Variants in RMND5A observed in about 807,000 individuals in gnomAD.
The protein encoded by RMND5A is E3 ubiquitin-protein transferase RMND5A.
Under a neutral mutation model 49.7 loss-of-function variants are expected in RMND5A, and 17 were observed. The observed-to-expected ratio is 0.34, with a 90% CI of 0.23 to 0.51. The LOEUF (loss-of-function observed/expected upper bound fraction) is 0.51, where lower values mean the gene tolerates loss of function less well. Ranked by LOEUF, RMND5A falls within the 20% of genes least tolerant of loss-of-function variation. RMND5A has a pLI of 0.96. For missense variants in RMND5A, 255 were observed against 471.3 expected (o/e 0.54, Z 4.25); for synonymous variants, 156 against 167.7 (o/e 0.93, Z 0.54).
At chr2:86,756,791 T>C (rs1355232576) in intron 4 of RMND5A, among the ~76,000 whole-genome samples, 1 of 152,148 alleles carries the variant, frequency 6.6e-6, no homozygotes, top group Non-Finnish European at 1.5e-5. Context: ...AAGGATATCA[T>C]GGAGCTCACA....
rs959524580 is a variant in RMND5A at position 86,776,359 on chromosome 2, G to A, written c.*2948G>A. ...AAAAGAGCCACCTCATATTCATAGG[G>A]TGTGTATTTTTTGAGTGTGAGCATT... On this transcript the variant is annotated 3_prime_UTR_variant, in exon 9 of 9. Transcript: ENST00000283632. The A allele has an allele frequency of 6.6e-6, 1 of 152,154 alleles. No individual in the cohort carries two copies. The highest frequency in any genetic ancestry group is 2.4e-5 in the African/African-American group (1 of 41,426). The allele number at this position is 152,154 out of a possible 1,614,324, so 9.4% of individuals were successfully genotyped here. A position where few individuals can be genotyped will look rare whatever the true frequency, so the allele number is the denominator to read the frequency against.
chr2:86,766,678 A>AAAAAG (rs1250899602), intron 6 of RMND5A, among the ~76,000 whole-genome samples: 33 of 151,276 alleles, frequency 2.2e-4, no homozygotes, highest in Non-Finnish European at 3.4e-4. Flanking sequence ...AAAAAAAAAA[A>AAAAAG]AAAAGAAAAG....
chr2:86,774,335 AGCAT>A lies in RMND5A; in HGVS notation c.*926_*929del, dbSNP rs1672730508. 6.6e-6 allele frequency: 1 copy of A among 152,646 alleles called. No homozygotes were observed. The highest frequency in any genetic ancestry group is 2.4e-5 in the African/African-American group (1 of 41,450). 9.5% of individuals were successfully genotyped at this position (152,646 alleles called of 1,614,324 possible). On this transcript the variant is annotated 3_prime_UTR_variant, in exon 9 of 9. Coordinates refer to ENST00000283632, the MANE Select transcript of RMND5A (RefSeq NM_022780.4). ...AACATTGTGTATCTGGAAGGAAAGC[AGCAT>A]GTTCCAGTTCTAAAATGCAGTTACC...
chr2:86,767,116 T>C (rs1672611615), intron 6 of RMND5A, among the ~76,000 whole-genome samples: 2 of 152,114 alleles, frequency 1.3e-5, no homozygotes, highest in African/African-American at 4.8e-5. Context: ...CTGGCTGGAG[T>C]GTAGTGGCGC....
chr2:86,748,233 T>A (rs765368762), intron 2 of RMND5A: 2 of 152,248 alleles, frequency 1.3e-5, no homozygotes, highest in Non-Finnish European at 2.9e-5. Flanking sequence ...CCTGCAGTTA[T>A]AACAAAAGGA....
At chr2:86,744,298 GT>G (rs1273904766) in intron 2 of RMND5A, among the ~76,000 whole-genome samples, 2 of 152,196 alleles carry the variant, frequency 1.3e-5, no homozygotes, top group Non-Finnish European at 2.9e-5. Flanking sequence ...GAACCTGGTA[GT>G]TGTGTAAGCT....
intron 2 of RMND5A, among the ~76,000 whole-genome samples, chr2:86,743,954 G>T (rs1185943832): frequency 6.6e-6 from 1 of 150,776 alleles, no homozygotes; most frequent in African/African-American, 2.4e-5. Flanking sequence ...CTCCAGTCTG[G>T]GCAACAGAGC....
intron 4 of RMND5A, among the ~76,000 whole-genome samples, chr2:86,756,448 C>G (rs1034984968): frequency 2.6e-5 from 4 of 152,154 alleles, no homozygotes; most frequent in African/African-American, 7.2e-5. Flanking sequence ...ACTCATTTAA[C>G]TTGGTATAAC....
At chr2:86,760,420 G>T (rs1000866255) in intron 4 of RMND5A, among the ~76,000 whole-genome samples, 5 of 152,194 alleles carry the variant, frequency 3.3e-5, no homozygotes, top group Admixed American at 3.3e-4. Context: ...CCACAGTTTA[G>T]TTAAATAACA....
chr2:86,758,564 C>T (rs1681788217), intron 4 of RMND5A, among the ~76,000 whole-genome samples: 1 of 152,154 alleles, frequency 6.6e-6, no homozygotes, highest in East Asian at 1.9e-4. Context: ...CTATGTGTAG[C>T]TCTTACTAAT....
Position 86,771,663 on chromosome 2 carries a change from G to C in RMND5A, c.1063G>C (p.Gly355Arg). The C allele has an allele frequency of 6.2e-7, 1 of 1,613,212 alleles. No homozygotes were observed. The highest frequency in any genetic ancestry group is 8.5e-7 in the Non-Finnish European group (1 of 1,179,556). Residue 355 changes from glycine (G) to arginine (R), a missense_variant, in exon 8 of 9, where the codon GGT becomes CGT. Transcript: ENST00000283632. Reference protein sequence around the residue: ...DNNPPMKLVCGHIISRDALNK... With the variant: ...DNNPPMKLVCRHIISRDALNK... ...CAATCCACCCATGAAATTGGTCTGT[G>C]GTCATATTATATCAAGAGATGCCCT...
At chr2:86,752,101 G>C in intron 3 of RMND5A, 71 bp downstream of exon 3, 1 of 1,493,238 alleles carries the variant, frequency 6.7e-7, no homozygotes, top group Non-Finnish European at 9.1e-7. Context: ...AGTATTTGCA[G>C]GGTGGGGTTT....
chr2:86,749,340 A>G (rs1322891556), intron 2 of RMND5A, among the ~76,000 whole-genome samples: 3 of 152,114 alleles, frequency 2.0e-5, no homozygotes, highest in East Asian at 3.9e-4. Flanking sequence ...TTTTCATTAT[A>G]TGCATGGATG....
At chr2:86,770,608 A>G (rs1164565008) in intron 7 of RMND5A, among the ~76,000 whole-genome samples, 2 of 152,200 alleles carry the variant, frequency 1.3e-5, no homozygotes, top group East Asian at 1.9e-4. Context: ...CTGTATTTCT[A>G]CTGCTCTCAT....
chr2:86,741,768 A>G (rs1466891012), intron 2 of RMND5A, among the ~76,000 whole-genome samples: 23 of 151,442 alleles, frequency 1.5e-4, no homozygotes, highest in Non-Finnish European at 1.2e-4. Context: ...ACCTCTGACT[A>G]CTTCAGACAT....
chr2:86,749,507 C>T (rs1681596723), intron 2 of RMND5A, among the ~76,000 whole-genome samples: 1 of 151,984 alleles, frequency 6.6e-6, no homozygotes. Flanking sequence ...TCTCCTTCCT[C>T]AGCCTCCCAA....
intron 4 of RMND5A, among the ~76,000 whole-genome samples, chr2:86,761,750 C>T (rs1672492736): frequency 6.6e-6 from 1 of 152,150 alleles, no homozygotes. Flanking sequence ...TCTCCTCCTC[C>T]CAGTTCCTTT....
intron 4 of RMND5A, among the ~76,000 whole-genome samples, chr2:86,759,041 C>T (rs1373228832): frequency 4.6e-5 from 7 of 152,092 alleles, no homozygotes. Flanking sequence ...CCTTTAAATG[C>T]TGTGAAAGGT....
intron 1 of RMND5A, among the ~76,000 whole-genome samples, chr2:86,724,140 G>C (rs1474572422): frequency 2.7e-5 from 4 of 146,168 alleles, no homozygotes; most frequent in African/African-American, 1.1e-4. Flanking sequence ...CTGCAGCAGA[G>C]AACAATAATG....
Sources: gnomAD v4.1 joint callset for allele counts (sites outside exome capture counted in the v4.1 genomes callset) on GRCh38, gnomAD v4.1.1 for gene constraint, MANE v1.5 for transcripts, NCBI Gene and HGNC (gene_info 2026-07-23, HGNC 2026-07-21) for gene names.